KSR2: variants seen among roughly 807,000 people sequenced by gnomAD.
KSR2 encodes kinase suppressor of ras 2.
Under a neutral mutation model 107.8 loss-of-function variants are expected in KSR2, and 25 were observed. The observed-to-expected ratio is 0.23, with a 90% confidence interval of 0.17 to 0.32. The LOEUF is 0.32. KSR2 is among the 10% of genes least tolerant of loss of function. The pLI is 1.00. For missense variants in KSR2, 887 were observed against 1,268.9 expected (o/e 0.70, Z 4.57); for synonymous variants, 480 against 507.0 (o/e 0.95, Z 0.71).
intron 7 of KSR2, among the ~76,000 whole-genome samples, chr12:117,560,427 G>A (rs928208486): frequency 1.3e-5 from 2 of 151,786 alleles, no homozygotes; most frequent in African/African-American, 4.8e-5. Context: ...AGGGGAGCAA[G>A]GAGGGACATA....
chr12:117,702,116 C>T (rs1027938378), intron 4 of KSR2, among the ~76,000 whole-genome samples: 12 of 152,206 alleles, frequency 7.9e-5, no homozygotes, highest in Non-Finnish European at 5.9e-5. Flanking sequence ...GGCCTTTGCA[C>T]ATGCTGTTGC....
Position 117,761,594 on chromosome 12 carries a change from A to T in KSR2, c.473-70T>A, listed in dbSNP as rs573889324. On this transcript the variant is annotated intron_variant, in intron 3 of 19. Coordinates refer to ENST00000339824, the MANE Select transcript of KSR2 (RefSeq NM_173598.6). ...AAGCCAGGTGAGTTACACCATACAC[A>T]CCATTACATCATACACACATTACAC... The T allele has an allele frequency of 4.2e-6, 6 of 1,430,944 alleles. No individual in the cohort carries two copies. The South Asian group carries it at 6.9e-5, about 16-fold the overall frequency. The allele number at this position is 1,430,944 out of a possible 1,614,324, so 88.6% of individuals were successfully genotyped here. A position where few individuals can be genotyped will look rare whatever the true frequency, so the allele number is the denominator to read the frequency against.
chr12:117,954,320 CA>C (rs1041930969), intron 1 of KSR2, among the ~76,000 whole-genome samples: 3 of 152,128 alleles, frequency 2.0e-5, no homozygotes, highest in African/African-American at 7.2e-5. Context: ...AAGCTTAAGA[CA>C]AGTCTAGAAG....
chr12:117,873,811 C>T (rs753962580), intron 1 of KSR2, among the ~76,000 whole-genome samples: 2 of 152,278 alleles, frequency 1.3e-5, no homozygotes, highest in Admixed American at 6.5e-5. Context: ...CAACTACACA[C>T]CACCCCTGCC....
intron 4 of KSR2, among the ~76,000 whole-genome samples, chr12:117,697,758 A>G (rs1447454346): frequency 6.7e-6 from 1 of 149,772 alleles, no homozygotes; most frequent in African/African-American, 2.5e-5. Context: ...AAAAAAAAAA[A>G]GGTTTCAGTG....
chr12:117,770,793 C>G (rs1269220522), intron 3 of KSR2, among the ~76,000 whole-genome samples: 1 of 150,778 alleles, frequency 6.6e-6, no homozygotes, highest in Non-Finnish European at 1.5e-5. Context: ...CGGTGAAACC[C>G]TGTCTCTACC....
At position 117,860,364 on chromosome 12, in the gene KSR2, T is replaced by G; in HGVS notation, c.248A>C (p.Asn83Thr). 6.2e-7 allele frequency: 1 copy of G among 1,613,786 alleles called. No individual in the cohort carries two copies. Among genetic ancestry groups the G allele is most frequent in the Non-Finnish European group, 8.5e-7 (1 of 1,179,806 alleles). Reference protein sequence around the residue: ...CKKKVALQERNAELDGFPQLR... With the variant: ...CKKKVALQERTAELDGFPQLR... ...CTGGGGGAAGCCGTCCAGCTCCGCG[T>G]TGCGCTCCTGCAAGGCTACCTTCTT... The change falls in exon 2 of 20, where the codon AAC becomes ACC. Residue 83 changes from asparagine (N) to threonine (T), a missense_variant. By Grantham distance (65) the Asn-to-Thr change is moderately conservative. Around this residue, in one of 8 missense-constraint regions of KSR2, gnomAD observed 399 missense variants for 479.5 expected, o/e 0.83. Transcript: ENST00000339824.
intron 5 of KSR2, among the ~76,000 whole-genome samples, chr12:117,606,856 G>A (rs1441018043): frequency 6.6e-6 from 1 of 151,240 alleles, no homozygotes; most frequent in Non-Finnish European, 1.5e-5. Flanking sequence ...AGAAAACGAT[G>A]ACGGCTGTGA....
intron 10 of KSR2, among the ~76,000 whole-genome samples, chr12:117,534,265 A>G (rs965017839): frequency 1.3e-5 from 2 of 152,148 alleles, no homozygotes; most frequent in Non-Finnish European, 2.9e-5. Flanking sequence ...CATCCCATGG[A>G]GTCTCACATA....
intron 16 of KSR2, among the ~76,000 whole-genome samples, chr12:117,480,022 ATGTGTATGTGTGTGTGTGTG>A (rs898635580): frequency 1.4e-5 from 2 of 142,072 alleles, no homozygotes; most frequent in Non-Finnish European, 3.0e-5. Flanking sequence ...ATCATTACAC[ATGTGTATGTGTGTGTGTGTG>A]TGTGTGTGTG....
At chr12:117,589,933 C>T (rs1880223110) in intron 5 of KSR2, among the ~76,000 whole-genome samples, 1 of 152,128 alleles carries the variant, frequency 6.6e-6, no homozygotes, top group Admixed American at 6.6e-5. Flanking sequence ...TGGAGGCTTC[C>T]CTGGAATCCC....
intron 5 of KSR2, among the ~76,000 whole-genome samples, chr12:117,664,339 C>T (rs1012077120): frequency 5.3e-5 from 8 of 152,172 alleles, no homozygotes; most frequent in African/African-American, 1.9e-4. Context: ...GTGTCACCAC[C>T]CTTCACAGTG....
intron 1 of KSR2, among the ~76,000 whole-genome samples, chr12:117,947,179 AAAG>A (rs202243894): frequency 0.11 from 11,288 of 100,950 alleles, 707 homozygotes; most frequent in Admixed American, 0.19. Flanking sequence ...AGAAAGAAAG[AAAG>A]AAAGAAAAGA....
At chr12:117,594,956 C>T (rs1880546116) in intron 5 of KSR2, among the ~76,000 whole-genome samples, 1 of 141,230 alleles carries the variant, frequency 7.1e-6, no homozygotes, top group South Asian at 2.5e-4. Flanking sequence ...TCAACAGTGC[C>T]TAACTGGAAA....
intron 7 of KSR2, among the ~76,000 whole-genome samples, chr12:117,563,359 G>A (rs550301648): frequency 2.0e-5 from 3 of 152,196 alleles, no homozygotes; most frequent in East Asian, 1.9e-4. Context: ...GTTCTCCTCC[G>A]AAAGGAAAAT....
At chr12:117,736,812 CAAAAAAAAAA>C (rs759133206) in intron 4 of KSR2, among the ~76,000 whole-genome samples, 1 of 80,264 alleles carries the variant, frequency 1.2e-5, no homozygotes, top group Non-Finnish European at 2.7e-5. Flanking sequence ...GACCCTGTCT[CAAAAAAAAAA>C]AAAAAGAAAA....
chr12:117,922,384 A>G (rs1320714226), intron 1 of KSR2, among the ~76,000 whole-genome samples: 1 of 152,232 alleles, frequency 6.6e-6, no homozygotes, highest in Non-Finnish European at 1.5e-5. Context: ...AGTGCCTGTC[A>G]ATCAACTTTG....
chr12:117,726,353 AAC>A (rs1887425859), intron 4 of KSR2, among the ~76,000 whole-genome samples: 1 of 152,214 alleles, frequency 6.6e-6, no homozygotes, highest in Non-Finnish European at 1.5e-5. Flanking sequence ...AAAACACGAT[AAC>A]ATTTCATACC....
rs528447758 is a variant in KSR2 at position 117,760,991 on chromosome 12, C to T, written c.986+20G>A. 6.2e-7 allele frequency: 1 copy of T among 1,612,352 alleles called. No homozygotes were observed. The highest frequency in any genetic ancestry group is 8.5e-7 in the Non-Finnish European group (1 of 1,179,538). On this transcript the variant is annotated intron_variant, in intron 4 of 19. Coordinates refer to ENST00000339824, the MANE Select transcript of KSR2 (RefSeq NM_173598.6). ...AGGCCGGGTTTCGACCGCCCCAGGGCACCCACCGATCGCACTCACTTGGGC... is the reference window on the plus strand; with the variant it reads ...AGGCCGGGTTTCGACCGCCCCAGGGTACCCACCGATCGCACTCACTTGGGC...
Sources: allele counts gnomAD v4.1 joint callset (sites outside exome capture counted in the v4.1 genomes callset), GRCh38; gene constraint gnomAD v4.1.1; regional missense constraint gnomAD v4.1.1; transcripts MANE v1.5; gene names NCBI Gene and HGNC (gene_info 2026-07-23, HGNC 2026-07-21).